The following SOX6 variants were observed in gnomAD, a reference collection of about 807,000 sequenced individuals.
SOX6 encodes transcription factor SOX-6.
SOX6 carries 11 observed loss-of-function variants against 97.8 expected under a neutral mutation model. The observed-to-expected ratio is 0.11, with a 90% CI of 0.07 to 0.19. The LOEUF (loss-of-function observed/expected upper bound fraction) is 0.19, where lower values mean the gene tolerates loss of function less well. Among genes scored for constraint, SOX6 ranks in the 10% least tolerant of loss-of-function variants. SOX6 has a pLI of 1.00. For synonymous variants in SOX6, 360 were observed against 371.4 expected (o/e 0.97, Z 0.35); for missense variants, 810 against 1,039.5 (o/e 0.78, Z 3.04).
intron 1 of SOX6, among the ~76,000 whole-genome samples, chr11:16,345,764 T>C (rs991790232): frequency 4.6e-5 from 7 of 152,094 alleles, no homozygotes; most frequent in Admixed American, 1.3e-4. Flanking sequence ...GTTATTTTTA[T>C]GTGTTTAAAG....
At chr11:16,693,153 G>A (rs1306394455) in intron 3 of SOX6, among the ~76,000 whole-genome samples, 3 of 151,866 alleles carry the variant, frequency 2.0e-5, no homozygotes, top group Non-Finnish European at 4.4e-5. Flanking sequence ...TAAACAATAA[G>A]AATAAGAATA....
chr11:16,691,387 T>G (rs1349323879), intron 3 of SOX6, among the ~76,000 whole-genome samples: 1 of 152,214 alleles, frequency 6.6e-6, no homozygotes, highest in African/African-American at 2.4e-5. Flanking sequence ...TCACTTATAG[T>G]GGAAAGAGGC....
rs182018235 is a variant in SOX6 at position 16,400,781 on chromosome 11, C to T, written c.-4-59529G>A. Among the ~76,000 whole-genome samples the T allele has an allele frequency of 4.8e-4, 73 of 151,316 alleles. 1 individual carries two copies. Among genetic ancestry groups the T allele is most frequent in the Admixed American group, 3.0e-3 (46 of 15,124 alleles). ...GACATGTTCTTTCTTCTCATACATA[C>T]GTAGATAAAAGACTTGTATGAAATA... On this transcript the variant is annotated intron_variant, in intron 1 of 15. Transcript: ENST00000396356.
chr11:16,121,495 T>A (rs973437658), intron 6 of SOX6, among the ~76,000 whole-genome samples: 1 of 151,974 alleles, frequency 6.6e-6, no homozygotes, highest in African/African-American at 2.4e-5. Flanking sequence ...AAGACATCTA[T>A]AGCCTTGTTT....
chr11:16,517,136 T>G (rs1204162154), intron 4 of SOX6, among the ~76,000 whole-genome samples: 2 of 151,864 alleles, frequency 1.3e-5, no homozygotes, highest in Non-Finnish European at 2.9e-5. Context: ...CAACCCTTCA[T>G]GCTAAAAACT....
At chr11:16,324,725 A>G (rs182865470) in intron 2 of SOX6, among the ~76,000 whole-genome samples, 2 of 152,306 alleles carry the variant, frequency 1.3e-5, no homozygotes, top group Admixed American at 1.3e-4. Flanking sequence ...AAAAGATAGT[A>G]TGTATACACA....
intron 4 of SOX6, among the ~76,000 whole-genome samples, chr11:16,530,783 G>A (rs1329155952): frequency 6.6e-6 from 1 of 151,752 alleles, no homozygotes; most frequent in Non-Finnish European, 1.5e-5. Context: ...AATCTCCTAA[G>A]ACACTGTCCG....
chr11:16,465,975 A>G (rs74941200), intron 1 of SOX6, among the ~76,000 whole-genome samples: 1,841 of 152,314 alleles, frequency 0.012, 36 homozygotes, highest in African/African-American at 0.042. Flanking sequence ...AGTGCTAAGC[A>G]AATAATAATA....
chr11:16,650,474 C>G (rs1303480211), intron 3 of SOX6, among the ~76,000 whole-genome samples: 3 of 152,010 alleles, frequency 2.0e-5, no homozygotes, highest in Non-Finnish European at 4.4e-5. Flanking sequence ...CCAAAAGGAA[C>G]CCTCAAAACC....
At chr11:16,345,598 T>G (rs190640090) in intron 1 of SOX6, among the ~76,000 whole-genome samples, 353 of 152,198 alleles carry the variant, frequency 2.3e-3, no homozygotes, top group African/African-American at 8.1e-3. Context: ...ACTCAGACAG[T>G]AAATTTATTT....
chr11:16,216,159 C>T (rs944950229), intron 4 of SOX6, among the ~76,000 whole-genome samples: 15 of 152,194 alleles, frequency 9.9e-5, no homozygotes, highest in Admixed American at 7.2e-4. Context: ...TACACAAAAT[C>T]ACTGTGATAC....
rs114456355 is a variant in SOX6 at position 16,678,705 on chromosome 11, A to C, written n.429+36125T>G. ...GGATTTCCCTTTCCTAGCTAAGGGAAGCCGTGACAAACTGTACCTGGAGGA... is the reference window on the plus strand; with the variant it reads ...GGATTTCCCTTTCCTAGCTAAGGGACGCCGTGACAAACTGTACCTGGAGGA... On this transcript the variant is annotated intron_variant and non_coding_transcript_variant, in intron 3 of 5. Coordinates refer to the SOX6 transcript ENST00000524520. Among the ~76,000 whole-genome samples, 1,233 of 152,284 alleles carry C rather than the reference A, an allele frequency of 8.1e-3. 19 individuals carry two copies. Among genetic ancestry groups the C allele is most frequent in the African/African-American group, 0.027 (1,118 of 41,548 alleles).
chr11:16,508,905 T>C (rs1860833987), intron 4 of SOX6, among the ~76,000 whole-genome samples: 1 of 152,132 alleles, frequency 6.6e-6, no homozygotes, highest in African/African-American at 2.4e-5. Context: ...ACATGATCAT[T>C]ATACACTCTA....
chr11:16,669,965 AAGGGCTG>A (rs1270854854), intron 3 of SOX6, among the ~76,000 whole-genome samples: 2 of 152,092 alleles, frequency 1.3e-5, no homozygotes, highest in African/African-American at 4.8e-5. Context: ...GGAAGGAACA[AAGGGCTG>A]AGTCATTATG....
chr11:16,631,982 G>C (rs1254981714), intron 3 of SOX6, among the ~76,000 whole-genome samples: 1 of 152,074 alleles, frequency 6.6e-6, no homozygotes, highest in African/African-American at 2.4e-5. Context: ...TTCTAGGATT[G>C]CTTGAGAAGT....
chr11:16,501,574 T>G (rs1244758589), intron 4 of SOX6, among the ~76,000 whole-genome samples: 1 of 151,814 alleles, frequency 6.6e-6, no homozygotes, highest in Non-Finnish European at 1.5e-5. Flanking sequence ...GACAAAGGGC[T>G]AATATCCAGG....
chr11:16,336,855 G>C (rs756888204), intron 2 of SOX6, among the ~76,000 whole-genome samples: 3 of 152,058 alleles, frequency 2.0e-5, no homozygotes, highest in South Asian at 2.1e-4. Context: ...TATACACTCT[G>C]ACTGGGTGTC....
At chr11:16,579,102 C>T (rs1848008177) in intron 4 of SOX6, among the ~76,000 whole-genome samples, 1 of 151,976 alleles carries the variant, frequency 6.6e-6, no homozygotes, top group African/African-American at 2.4e-5. Flanking sequence ...ATTAATTCAC[C>T]ACATTTACAT....
chr11:16,389,969 T>TAAAAAAAAAAAAAAAAAAAAAAAAAAAAA lies in SOX6; in HGVS notation c.-4-48718_-4-48717insTTTTTTTTTTTTTTTTTTTTTTTTTTTTT, dbSNP rs536056301. Among the ~76,000 whole-genome samples, 14 of 41,852 alleles carry TAAAAAAAAAAAAAAAAAAAAAAAAAAAAA rather than the reference T, an allele frequency of 3.3e-4. 1 individual carries two copies. Among genetic ancestry groups the TAAAAAAAAAAAAAAAAAAAAAAAAAAAAA allele is most frequent in the South Asian group, 1.9e-3 (1 of 530 alleles). 27.5% of individuals were successfully genotyped at this position (41,852 alleles called of 152,430 possible). A position where few individuals can be genotyped will look rare whatever the true frequency, so the allele number is the denominator to read the frequency against. ...TGGGCGACAGGGCAAGACTCCGTCTTAAAAAAAAAAAAAAAAAAAAAAAAA... is the reference window on the plus strand; with the variant it reads ...TGGGCGACAGGGCAAGACTCCGTCTTAAAAAAAAAAAAAAAAAAAAAAAAAAAAAAAAAAAAAAAAAAAAAAAAAAAAAA... On this transcript the variant is annotated intron_variant, in intron 1 of 15. Transcript: ENST00000396356.
Sources: gnomAD v4.1 joint callset for allele counts (sites outside exome capture counted in the v4.1 genomes callset) on GRCh38, gnomAD v4.1.1 for gene constraint, MANE v1.5 for transcripts, NCBI Gene and HGNC (gene_info 2026-07-23, HGNC 2026-07-21) for gene names.